The following RSPH3 variants were observed in gnomAD, a reference collection of about 807,000 sequenced individuals.
RSPH3 encodes radial spoke head protein 3 homolog.
In RSPH3, 21 loss-of-function variants were observed where a neutral mutation model predicts 43.8. That is an observed-to-expected ratio of 0.48 (90% CI 0.34 to 0.69). RSPH3 has a LOEUF of 0.69. Among genes scored for constraint, RSPH3 ranks in the 30% least tolerant of loss-of-function variants. The probability of loss-of-function intolerance (pLI) is 0.01; values close to 1 mark genes in which losing one functional copy is unlikely to be tolerated. For missense variants in RSPH3, 487 were observed against 516.0 expected (o/e 0.94, Z 0.54); for synonymous variants, 173 against 179.8 (o/e 0.96, Z 0.30).
the RSPH3 span, among the ~76,000 whole-genome samples, chr6:158,965,428 C>T: frequency 2.0e-5 from 3 of 152,022 alleles, no homozygotes; most frequent in African/African-American, 7.2e-5. Flanking sequence ...AATGTCTTTC[C>T]ATTTATTTAG....
In RSPH3 at chr6:158,977,756, C is replaced by T. The variant is rs147001164; in HGVS notation, c.1039G>A (p.Gly347Ser). 2 of 1,614,064 alleles carry T rather than the reference C, an allele frequency of 1.2e-6. No homozygotes were observed. Among genetic ancestry groups the T allele is most frequent in the Admixed American group, 1.7e-5 (1 of 60,004 alleles). The change falls in exon 8 of 8, where the codon GGT becomes AGT. Residue 347 changes from glycine to serine, a missense_variant. Physicochemically the swap from Gly to Ser is moderately conservative, Grantham distance 56. Transcript: ENST00000367069. The part of the protein sequence containing the change: ...QSPEPEDEPG[G>S]PGAMTESLEA... The stretch of plus-strand genomic sequence containing the variant: ...AGTGACTCTGTCATTGCTCCAGGAC[C>T]ACCAGGCTCATCCTCGGGTTCTGGA...
chr6:158,999,328 A>T, intron 1 of RSPH3, 107 bp downstream of exon 1: 1 of 1,038,862 alleles, frequency 9.6e-7, no homozygotes, highest in Non-Finnish European at 1.3e-6. Flanking sequence ...GAGTGCAGCC[A>T]AGGGAAGACA....
In RSPH3 at chr6:158,980,800, C is replaced by T; in HGVS notation, c.833G>A (p.Gly278Asp). Residue 278 changes from glycine to aspartate, a missense_variant, in exon 6 of 8, where the codon GGC becomes GAC. Gly to Asp is a moderately conservative substitution (Grantham distance 94). Transcript: ENST00000367069. ...PSVFGSLRDS[G>D]YFYDPIERDI... Reference sequence around the variant, plus strand: ...TCTTTCAATGGGATCATAAAAGTAGCCACTATCCCTGAGGCTGCCAAAAAC... The same window carrying T: ...TCTTTCAATGGGATCATAAAAGTAGTCACTATCCCTGAGGCTGCCAAAAAC... 2 of 1,613,914 alleles carry T rather than the reference C, an allele frequency of 1.2e-6. No homozygotes were observed. Among genetic ancestry groups the T allele is most frequent in the Non-Finnish European group, 1.7e-6 (2 of 1,179,832 alleles).
intron 2 of RSPH3, among the ~76,000 whole-genome samples, chr6:158,986,903 T>G (rs1318457036): frequency 7.9e-5 from 12 of 152,214 alleles, no homozygotes; most frequent in Non-Finnish European, 1.8e-4. Flanking sequence ...TGAAGAATGA[T>G]CCATGTGCTG....
At chr6:158,988,960 C>T (rs924305583) in intron 2 of RSPH3, among the ~76,000 whole-genome samples, 2 of 152,036 alleles carry the variant, frequency 1.3e-5, no homozygotes, top group African/African-American at 2.4e-5. Flanking sequence ...TGTGGATGGA[C>T]GTCTATGTCT....
rs55999313 is a variant in RSPH3 at position 158,984,434 on chromosome 6, TTATATATATATATATATATATATATA to T, written c.347-653_347-628del. ...AGTACAACAGTGGATAAAAAGTCAA[TTATATATATATATATATATATATATA>T]TATATATATATATATTTGAGTCCTA... On this transcript the variant is annotated intron_variant, in intron 3 of 7. Coordinates refer to ENST00000367069, the MANE Select transcript of RSPH3 (RefSeq NM_031924.8). 4.7e-5 allele frequency among the ~76,000 whole-genome samples: 3 copies of T among 63,708 alleles called. 1 individual carries two copies. The highest frequency in any genetic ancestry group is 4.3e-4 in the Admixed American group (2 of 4,654). The allele number at this position is 63,708 out of a possible 152,430, so 41.8% of individuals were successfully genotyped here.
intron 3 of RSPH3, among the ~76,000 whole-genome samples, chr6:158,984,932 T>C (rs1166076654): frequency 6.6e-6 from 1 of 152,214 alleles, no homozygotes; most frequent in Non-Finnish European, 1.5e-5. Context: ...ACACTCATTC[T>C]AGACTTGGCC....
Position 159,000,196 on chromosome 6 carries a change from G to C in RSPH3, c.-646C>G. On this transcript the variant is annotated 5_prime_UTR_variant, in exon 1 of 8. Transcript: ENST00000367069. Reference sequence around the variant, plus strand: ...TCCCAGCTCTGTTACGTGCCCGGGCGGGGAAGAGCTTCCTGGTGTCTCCCG... The same window carrying C: ...TCCCAGCTCTGTTACGTGCCCGGGCCGGGAAGAGCTTCCTGGTGTCTCCCG... 1 of 529,062 alleles carries C rather than the reference G, an allele frequency of 1.9e-6. No individual in the cohort carries two copies. Among genetic ancestry groups the C allele is most frequent in the Non-Finnish European group, 3.3e-6 (1 of 306,034 alleles). The allele number at this position is 529,062 out of a possible 1,614,324, so 32.8% of individuals were successfully genotyped here.
At chr6:158,967,097 A>T in the RSPH3 span, among the ~76,000 whole-genome samples, 1 of 151,416 alleles carries the variant, frequency 6.6e-6, no homozygotes, top group Non-Finnish European at 1.5e-5. Context: ...GTAGCCTTGA[A>T]CTCCCTGGGC....
downstream of RSPH3, among the ~76,000 whole-genome samples, chr6:158,972,016 G>C (rs1777699235): frequency 1.3e-5 from 2 of 151,994 alleles, no homozygotes; most frequent in Admixed American, 1.3e-4. Flanking sequence ...AAAAAAACTT[G>C]GGGGGGATAA....
At chr6:158,971,251 C>T (rs1157500304), downstream of RSPH3, among the ~76,000 whole-genome samples, 2 of 152,148 alleles carry the variant, frequency 1.3e-5, no homozygotes, top group Non-Finnish European at 2.9e-5. Context: ...AGTTAAAATG[C>T]CATGAAGCTT....
chr6:158,987,599 C>T (rs1778276779), intron 2 of RSPH3, among the ~76,000 whole-genome samples: 1 of 151,946 alleles, frequency 6.6e-6, no homozygotes. Flanking sequence ...TAGTTTGTTG[C>T]TTTTAATTTT....
In RSPH3 at chr6:158,989,178, C is replaced by T. The variant is rs1364364651; in HGVS notation, c.205-2757G>A. The stretch of plus-strand genomic sequence containing the variant: ...TCTCCTGACTCAGCCTCTCAAGTAG[C>T]TGGGATTACAGGTGCCCGCCACCAT... On this transcript the variant is annotated intron_variant, in intron 2 of 7. Transcript: ENST00000367069. The surrounding 1 kb of genome is among the most constrained non-coding windows in gnomAD (Gnocchi z 4.3). Among the ~76,000 whole-genome samples the T allele has an allele frequency of 6.6e-6, 1 of 152,044 alleles. No homozygotes were observed. The highest frequency in any genetic ancestry group is 1.5e-5 in the Non-Finnish European group (1 of 68,014).
Position 158,993,200 on chromosome 6 carries a change from T to A in RSPH3, c.204+639A>T, listed in dbSNP as rs1240151013. Among the ~76,000 whole-genome samples, 5 of 152,004 alleles carry A rather than the reference T, an allele frequency of 3.3e-5. No individual in the cohort carries two copies. In the East Asian group the frequency reaches 9.7e-4, roughly 29 times the overall value. Reference sequence around the variant, plus strand: ...TGGTGCGATCTCGGCTCACTGCAACTTCTGCCTCCTGGGTTCAAGCAATTC... The same window carrying A: ...TGGTGCGATCTCGGCTCACTGCAACATCTGCCTCCTGGGTTCAAGCAATTC... On this transcript the variant is annotated intron_variant, in intron 2 of 7. Coordinates refer to ENST00000367069, the MANE Select transcript of RSPH3 (RefSeq NM_031924.8).
intron 6 of RSPH3, among the ~76,000 whole-genome samples, chr6:158,979,253 G>A (rs755817647): frequency 1.5e-4 from 21 of 141,716 alleles, no homozygotes; most frequent in Non-Finnish European, 2.8e-4. Context: ...TTTTCAATAG[G>A]ATGAAATGGA....
At chr6:158,968,788 T>C (rs1337719912), downstream of RSPH3, among the ~76,000 whole-genome samples, 1 of 151,358 alleles carries the variant, frequency 6.6e-6, no homozygotes, top group Non-Finnish European at 1.5e-5. Context: ...CTCGGCTTAC[T>C]GCAACCTCCA....
Position 158,976,269 on chromosome 6 carries a change from AG to A in RSPH3, c.*1268del, listed in dbSNP as rs1376896305. Reference sequence around the variant, plus strand: ...AAGACTTCAGTTATTGCTTACGATTAGGAAGGCTTTGGAGAGAAAATAACTT... The same window carrying A: ...AAGACTTCAGTTATTGCTTACGATTAGAAGGCTTTGGAGAGAAAATAACTT... On this transcript the variant is annotated 3_prime_UTR_variant, in exon 8 of 8. Coordinates refer to ENST00000367069, the MANE Select transcript of RSPH3 (RefSeq NM_031924.8). The A allele has an allele frequency of 2.0e-5, 3 of 152,232 alleles. No individual in the cohort carries two copies. The highest frequency in any genetic ancestry group is 2.9e-5 in the Non-Finnish European group (2 of 68,032). The allele number at this position is 152,232 out of a possible 1,614,324, so 9.4% of individuals were successfully genotyped here.
Position 158,999,574 on chromosome 6 carries a change from T to G in RSPH3, c.-24A>C. Reference sequence around the variant, plus strand: ...ATGTCCGGGGGCTGACTGCCTCGCTTTCGGTGGAGCTTGGCTTTGAAGCAG... The same window carrying G: ...ATGTCCGGGGGCTGACTGCCTCGCTGTCGGTGGAGCTTGGCTTTGAAGCAG... On this transcript the variant is annotated 5_prime_UTR_variant, in exon 1 of 8. Transcript: ENST00000367069. 1 of 1,606,566 alleles carries G rather than the reference T, an allele frequency of 6.2e-7. No individual in the cohort carries two copies. Among genetic ancestry groups the G allele is most frequent in the Non-Finnish European group, 8.5e-7 (1 of 1,174,874 alleles).
downstream of RSPH3, among the ~76,000 whole-genome samples, chr6:158,970,578 C>T (rs893398218): frequency 2.6e-5 from 4 of 151,714 alleles, no homozygotes; most frequent in Admixed American, 6.6e-5. Flanking sequence ...TGGAGTCTCA[C>T]TCTGTCACCT....
Sources: allele counts gnomAD v4.1 joint callset (sites outside exome capture counted in the v4.1 genomes callset), GRCh38; gene constraint gnomAD v4.1.1; non-coding constraint Gnocchi (gnomAD v3.1); transcripts MANE v1.5; gene names NCBI Gene and HGNC (gene_info 2026-07-23, HGNC 2026-07-21).